MAF: variants seen among roughly 807,000 people sequenced by gnomAD.
The protein encoded by MAF is MAF bZIP transcription factor.
In MAF, 10 loss-of-function variants were observed where a neutral mutation model predicts 22.0. The observed-to-expected ratio is 0.45, with a 90% CI of 0.28 to 0.77. MAF has a LOEUF of 0.77. MAF is among the 30% of genes least tolerant of loss of function. The probability of loss-of-function intolerance (pLI) is 0.12; values close to 1 mark genes in which losing one functional copy is unlikely to be tolerated. For synonymous variants in MAF, 337 were observed against 255.8 expected, an observed-to-expected ratio of 1.32 and a Z score of -3.03; for missense variants, 544 against 548.4, an observed-to-expected ratio of 0.99 and a Z score of 0.08.
At chr16:79,478,060 A>G in the MAF span, among the ~76,000 whole-genome samples, 1 of 152,264 alleles carries the variant, frequency 6.6e-6, no homozygotes, top group South Asian at 2.1e-4. Context: ...AGAGCTGGGT[A>G]TGATTAACTC....
chr16:79,248,814 A>G, the MAF span, among the ~76,000 whole-genome samples: 1 of 151,840 alleles, frequency 6.6e-6, no homozygotes, highest in Non-Finnish European at 1.5e-5. Context: ...AAAAAAATTC[A>G]GCTTAGTGAG....
the MAF span, among the ~76,000 whole-genome samples, chr16:79,317,139 C>T: frequency 2.0e-5 from 3 of 150,334 alleles, no homozygotes; most frequent in African/African-American, 7.3e-5. Flanking sequence ...CTCCCTCCCT[C>T]CTTCCCTCCC....
At chr16:79,241,870 G>C in the MAF span, among the ~76,000 whole-genome samples, 1 of 152,082 alleles carries the variant, frequency 6.6e-6, no homozygotes, top group South Asian at 2.1e-4. Flanking sequence ...CAAGCCAGAA[G>C]AGAGTGGGGG....
the MAF span, among the ~76,000 whole-genome samples, chr16:79,467,381 G>A: frequency 2.0e-5 from 3 of 152,300 alleles, no homozygotes; most frequent in Admixed American, 2.0e-4. Flanking sequence ...GCTCTCCAAT[G>A]GCATGCATTG....
At chr16:79,274,578 G>A in the MAF span, among the ~76,000 whole-genome samples, 1 of 152,268 alleles carries the variant, frequency 6.6e-6, no homozygotes, top group Admixed American at 6.5e-5. Flanking sequence ...ACAGAAGAAA[G>A]GACCCTACTG....
chr16:79,241,977 C>T, the MAF span, among the ~76,000 whole-genome samples: 4 of 152,066 alleles, frequency 2.6e-5, no homozygotes, highest in Admixed American at 2.0e-4. Flanking sequence ...AAAATTTTTA[C>T]AGACAAGCAA....
chr16:79,380,752 T>C, the MAF span, among the ~76,000 whole-genome samples: 1 of 152,212 alleles, frequency 6.6e-6, no homozygotes, highest in Non-Finnish European at 1.5e-5. Context: ...AGAGCTAGTA[T>C]AATAAATGGC....
the MAF span, among the ~76,000 whole-genome samples, chr16:79,214,814 G>A: frequency 4.1e-4 from 58 of 142,214 alleles, no homozygotes; most frequent in South Asian, 2.6e-3. Flanking sequence ...CGGTTCAAGC[G>A]ATTCTCCTGC....
At chr16:79,396,033 G>A in the MAF span, among the ~76,000 whole-genome samples, 2 of 152,178 alleles carry the variant, frequency 1.3e-5, no homozygotes, top group Admixed American at 1.3e-4. Context: ...TTGGCATCTT[G>A]GAGATACTGG....
chr16:79,214,052 A>G, the MAF span, among the ~76,000 whole-genome samples: 1 of 152,104 alleles, frequency 6.6e-6, no homozygotes, highest in Non-Finnish European at 1.5e-5. Context: ...TCCTCTGCTG[A>G]AATGCTTTCC....
At chr16:79,473,463 C>T in the MAF span, among the ~76,000 whole-genome samples, 18 of 152,148 alleles carry the variant, frequency 1.2e-4, no homozygotes, top group African/African-American at 2.9e-4. Flanking sequence ...AAACAGCAAG[C>T]GGATGTTGCC....
At chr16:79,345,051 A>G in the MAF span, among the ~76,000 whole-genome samples, 1 of 152,188 alleles carries the variant, frequency 6.6e-6, no homozygotes, top group Non-Finnish European at 1.5e-5. Context: ...TAATAATAGG[A>G]ATATTTCAGT....
At chr16:79,447,905 A>AAAAGAAAAAG in the MAF span, among the ~76,000 whole-genome samples, 2 of 85,810 alleles carry the variant, frequency 2.3e-5, no homozygotes, top group African/African-American at 4.6e-5. Context: ...AAAAAAAAAA[A>AAAAGAAAAAG]AAAAGAAAAG....
the MAF span, among the ~76,000 whole-genome samples, chr16:79,469,640 A>C: frequency 1.3e-5 from 2 of 152,118 alleles, no homozygotes; most frequent in Non-Finnish European, 2.9e-5. Flanking sequence ...TCTGTTGCCC[A>C]GACTGGAGTG....
At chr16:79,317,684 G>A in the MAF span, among the ~76,000 whole-genome samples, 1 of 152,148 alleles carries the variant, frequency 6.6e-6, no homozygotes, top group African/African-American at 2.4e-5. Context: ...CTAGGGTGGA[G>A]GCAGATGCTT....
At chr16:79,357,937 C>A in the MAF span, among the ~76,000 whole-genome samples, 1 of 152,210 alleles carries the variant, frequency 6.6e-6, no homozygotes, top group African/African-American at 2.4e-5. Context: ...CTGGGACTGC[C>A]AGCAAGACAC....
chr16:79,596,533 A>T, intron 1 of MAF: 2 of 1,049,716 alleles, frequency 1.9e-6, no homozygotes, highest in Non-Finnish European at 2.3e-6. Flanking sequence ...ATATAACCAG[A>T]ATTGAAAATG....
At chr16:79,353,147 G>T in the MAF span, among the ~76,000 whole-genome samples, 1 of 150,546 alleles carries the variant, frequency 6.6e-6, no homozygotes, top group African/African-American at 2.4e-5. Flanking sequence ...TTCAAGACAG[G>T]GTCTCACTCT....
the MAF span, among the ~76,000 whole-genome samples, chr16:79,521,071 G>A: frequency 6.6e-6 from 1 of 152,244 alleles, no homozygotes; most frequent in Non-Finnish European, 1.5e-5. Flanking sequence ...TACATTCCTG[G>A]AGAATTCAAT....
Sources: allele counts gnomAD v4.1 joint callset (sites outside exome capture counted in the v4.1 genomes callset), GRCh38; gene constraint gnomAD v4.1.1; transcripts MANE v1.5; gene names NCBI Gene and HGNC (gene_info 2026-07-23, HGNC 2026-07-21).